BCAS1: variants seen among roughly 807,000 people sequenced by gnomAD.
BCAS1 encodes the protein brain enriched myelin associated protein 1, also known as breast carcinoma-amplified sequence 1.
In BCAS1, 46 loss-of-function variants were observed where a neutral mutation model predicts 65.4. The ratio of observed to expected loss-of-function variants is 0.70; its 90% CI spans 0.55 to 0.90. The LOEUF is 0.90. BCAS1 is among the 40% of genes least tolerant of loss of function. The pLI, the probability that BCAS1 is intolerant of heterozygous loss-of-function variation, is 0.00. For missense variants in BCAS1, 793 were observed against 771.2 expected, an observed-to-expected ratio of 1.03 and a Z score of -0.33; for synonymous variants, 298 against 293.5, an observed-to-expected ratio of 1.02 and a Z score of -0.16.
intron 7 of BCAS1, among the ~76,000 whole-genome samples, chr20:53,990,812 G>A (rs934702023): frequency 2.6e-5 from 4 of 152,176 alleles, no homozygotes; most frequent in Non-Finnish European, 5.9e-5. Flanking sequence ...CCCTTACTTT[G>A]ATTTACACTT....
At chr20:54,008,583 G>A (rs1337704627) in intron 4 of BCAS1, among the ~76,000 whole-genome samples, 2 of 152,202 alleles carry the variant, frequency 1.3e-5, no homozygotes, top group African/African-American at 4.8e-5. Context: ...ACAGTAATGA[G>A]GTAGCAGCCC....
intron 3 of BCAS1, among the ~76,000 whole-genome samples, chr20:54,046,522 C>G: frequency 7.8e-6 from 1 of 127,596 alleles, no homozygotes; most frequent in African/African-American, 3.1e-5. Context: ...GCGCGAGACT[C>G]CATCTCAAAA....
chr20:54,048,312 C>T (rs2092147876), intron 3 of BCAS1, among the ~76,000 whole-genome samples: 1 of 152,136 alleles, frequency 6.6e-6, no homozygotes. Context: ...CTGTTTGTGG[C>T]CTGCCCAATA....
intron 3 of BCAS1, chr20:54,029,333 T>C: frequency 1.5e-6 from 1 of 655,220 alleles, no homozygotes; most frequent in Non-Finnish European, 1.9e-6. Flanking sequence ...GGAGCTTGGG[T>C]TCTGGAGCTA....
chr20:53,961,740 C>T (rs2089883728), intron 10 of BCAS1, among the ~76,000 whole-genome samples: 1 of 152,186 alleles, frequency 6.6e-6, no homozygotes, highest in Admixed American at 6.5e-5. Flanking sequence ...AGCAATTACA[C>T]ATGAGTCAAA....
At chr20:53,957,308 A>C in intron 11 of BCAS1, 124 bp downstream of exon 11, 1 of 826,658 alleles carries the variant, frequency 1.2e-6, no homozygotes, top group Non-Finnish European at 2.0e-6. Context: ...GGCATATAGT[A>C]GGTGCTTAAT....
intron 3 of BCAS1, among the ~76,000 whole-genome samples, chr20:54,042,723 G>A (rs2092022357): frequency 6.6e-6 from 1 of 152,308 alleles, no homozygotes; most frequent in Middle Eastern, 3.4e-3. Context: ...TGTTTGCTAT[G>A]TGTATGCACC....
chr20:53,972,612 ACAT>A (rs2090208671), intron 9 of BCAS1, among the ~76,000 whole-genome samples: 1 of 152,254 alleles, frequency 6.6e-6, no homozygotes, highest in African/African-American at 2.4e-5. Context: ...TTTTGAATTC[ACAT>A]CATAAAATAT....
chr20:54,012,267 G>A (rs1246228425), intron 4 of BCAS1, among the ~76,000 whole-genome samples: 1 of 152,110 alleles, frequency 6.6e-6, no homozygotes, highest in African/African-American at 2.4e-5. Context: ...GAGGGAAGTG[G>A]ATGCACCTGA....
intron 8 of BCAS1, among the ~76,000 whole-genome samples, chr20:53,975,740 T>C (rs2090316748): frequency 6.6e-6 from 1 of 152,152 alleles, no homozygotes; most frequent in South Asian, 2.1e-4. Context: ...GCAATGTACT[T>C]GCCTTTATAT....
chr20:53,997,421 A>G (rs542180006), intron 4 of BCAS1, among the ~76,000 whole-genome samples: 3 of 152,232 alleles, frequency 2.0e-5, no homozygotes, highest in African/African-American at 7.2e-5. Flanking sequence ...ATTCTTTACG[A>G]CTCAGGTGAC....
chr20:53,985,252 C>T lies in BCAS1; in HGVS notation c.1275+35G>A, dbSNP rs372542129. ...AATAAGTTCTGGAGTCATCCCCGCC[C>T]GGACGACTCTCTAACGCTTGAAAAT... On this transcript the variant is annotated intron_variant, in intron 8 of 12. Coordinates refer to ENST00000688948, the MANE Select transcript of BCAS1 (RefSeq NM_001366298.2). The T allele has an allele frequency of 5.1e-5, 81 of 1,595,790 alleles. 1 individual carries two copies. Among genetic ancestry groups the T allele is most frequent in the African/African-American group, 2.7e-4 (20 of 74,628 alleles).
intron 9 of BCAS1, 82 bp from the exon 10 acceptor site, chr20:53,967,155 G>GC (rs2090055802): frequency 1.4e-6 from 2 of 1,451,588 alleles, no homozygotes; most frequent in Non-Finnish European, 1.9e-6. Context: ...GGTCCTTGTT[G>GC]CCCCCCTGTC....
At chr20:53,955,917 A>G (rs1343865276) in intron 11 of BCAS1, among the ~76,000 whole-genome samples, 1 of 152,252 alleles carries the variant, frequency 6.6e-6, no homozygotes, top group Non-Finnish European at 1.5e-5. Context: ...TTGTCTTAAA[A>G]GCTTAAATAT....
At chr20:53,954,294 G>GGAGAGAGAGA (rs71196437) in intron 11 of BCAS1, among the ~76,000 whole-genome samples, 4,256 of 125,752 alleles carry the variant, frequency 0.034, 155 homozygotes, top group Non-Finnish European at 0.046. Context: ...GCTGAGAAAT[G>GGAGAGAGAGA]GAGAGAGAGA....
intron 7 of BCAS1, among the ~76,000 whole-genome samples, chr20:53,987,356 G>A (rs1016363070): frequency 6.6e-6 from 1 of 152,190 alleles, no homozygotes; most frequent in African/African-American, 2.4e-5. Context: ...TATAGACAGT[G>A]AAGTCAAAAT....
Position 54,040,406 on chromosome 20 carries a change from G to A in BCAS1, c.143-11434C>T, listed in dbSNP as rs145416322. Among the ~76,000 whole-genome samples, 1,350 of 151,316 alleles carry A rather than the reference G, an allele frequency of 8.9e-3. 54 individuals are homozygous for A. Among genetic ancestry groups the A allele is most frequent in the South Asian group, 0.045 (213 of 4,782 alleles). ...ACCACGGGTCAGCTGTGGAGATACGGTTGTGGGGCAGGTTGAGTTCAGGAC... is the reference window on the plus strand; with the variant it reads ...ACCACGGGTCAGCTGTGGAGATACGATTGTGGGGCAGGTTGAGTTCAGGAC... On this transcript the variant is annotated intron_variant, in intron 3 of 12. Transcript: ENST00000688948.
At chr20:54,064,969 T>C (rs572122486) in intron 1 of BCAS1, among the ~76,000 whole-genome samples, 7 of 152,260 alleles carry the variant, frequency 4.6e-5, no homozygotes, top group African/African-American at 1.7e-4. Context: ...TGATACATCG[T>C]GGTACCGTGC....
chr20:53,948,220 C>T (rs1220907447), intron 12 of BCAS1, among the ~76,000 whole-genome samples: 10 of 152,130 alleles, frequency 6.6e-5, no homozygotes, highest in Non-Finnish European at 8.8e-5. Context: ...CTTACTTCCC[C>T]GAGGTTTCCA....
Sources: allele counts gnomAD v4.1 joint callset (sites outside exome capture counted in the v4.1 genomes callset), GRCh38; gene constraint gnomAD v4.1.1; transcripts MANE v1.5; gene names NCBI Gene and HGNC (gene_info 2026-07-23, HGNC 2026-07-21).